The following MYO15A variants were observed in gnomAD, a reference collection of about 807,000 sequenced individuals.
MYO15A encodes myosin XVA.
MYO15A carries 308 observed loss-of-function variants against 394.6 expected under a neutral mutation model. The observed-to-expected ratio is 0.78, with a 90% CI of 0.71 to 0.86. The LOEUF is 0.86. Among genes scored for constraint, MYO15A ranks in the 40% least tolerant of loss-of-function variants. The pLI is 0.00. For missense variants in MYO15A, 4,606 were observed against 4,799.1 expected (o/e 0.96, Z 1.19); for synonymous variants, 1,957 against 2,003.8 (o/e 0.98, Z 0.62).
intron 47 of MYO15A, chr17:18,155,785 G>C (rs1406555398): frequency 2.3e-6 from 1 of 431,040 alleles, no homozygotes; most frequent in African/African-American, 2.0e-5. Context: ...TGAGTACTCA[G>C]ACTCCCTCCC....
intron 1 of MYO15A, among the ~76,000 whole-genome samples, chr17:18,111,066 C>G (rs1448265253): frequency 6.6e-6 from 1 of 152,174 alleles, no homozygotes; most frequent in African/African-American, 2.4e-5. Flanking sequence ...AGGATGGGCA[C>G]AGTGGATCAT....
In MYO15A at chr17:18,142,176, T is replaced by G. The variant is rs770944156; in HGVS notation, c.5747T>G (p.Phe1916Cys). The change falls in exon 24 of 66, where the codon TTC becomes TGC. Residue 1916 changes from phenylalanine to cysteine, a missense_variant. By Grantham distance (205) the Phe-to-Cys change is radical. Around this residue, in one of 2 missense-constraint regions of MYO15A, gnomAD observed 2,776 missense variants for 3,109.3 expected, o/e 0.89. Coordinates refer to ENST00000647165, the MANE Select transcript of MYO15A (RefSeq NM_016239.4). ...ACTCTGCAGCGCTGCCTCCGTGGCT[T>G]CTTCATTAAGCGGCGATTCCGCTCT... ...ALTLQRCLRG[F>C]FIKRRFRSLR... 7.4e-6 allele frequency: 12 copies of G among 1,613,736 alleles called. No individual in the cohort carries two copies. In the East Asian group the frequency reaches 2.2e-4, roughly 30 times the overall value.
At chr17:18,154,244 C>G in intron 44 of MYO15A, 54 bp downstream of exon 44, 1 of 1,596,688 alleles carries the variant, frequency 6.3e-7, no homozygotes, top group South Asian at 1.1e-5. Context: ...GCTGTGTGGA[C>G]GCAAAGATGA....
chr17:18,171,551 G>C (rs2046939900), intron 62 of MYO15A, 87 bp from the exon 63 acceptor site: 1 of 1,591,682 alleles, frequency 6.3e-7, no homozygotes, highest in Admixed American at 1.7e-5. Flanking sequence ...GCATAGATCA[G>C]GACTGCTCTG....
At chr17:18,137,122 T>A (rs567180572) in intron 15 of MYO15A, among the ~76,000 whole-genome samples, 2 of 152,270 alleles carry the variant, frequency 1.3e-5, no homozygotes, top group East Asian at 3.9e-4. Context: ...GTTTTGTGAG[T>A]GCACAGCAAA....
At chr17:18,127,427 G>C (rs937983476) in intron 7 of MYO15A, among the ~76,000 whole-genome samples, 3 of 152,146 alleles carry the variant, frequency 2.0e-5, no homozygotes, top group Admixed American at 1.3e-4. Flanking sequence ...AGACCACATA[G>C]GGAAGGGGAG....
chr17:18,173,191 A>G (rs2046966929), intron 64 of MYO15A, among the ~76,000 whole-genome samples: 1 of 152,138 alleles, frequency 6.6e-6, no homozygotes, highest in African/African-American at 2.4e-5. Flanking sequence ...TGTCCATTCA[A>G]CACTTCCCAT....
At position 18,136,691 on chromosome 17, in the gene MYO15A, G is replaced by A. The variant is rs772198042; in HGVS notation, c.4779+5G>A. 9.4e-6 allele frequency: 15 copies of A among 1,597,220 alleles called. No individual in the cohort carries two copies. Among genetic ancestry groups the A allele is most frequent in the Admixed American group, 8.6e-5 (5 of 58,048 alleles). On this transcript the variant is annotated splice_donor_5th_base_variant and intron_variant, in intron 15 of 65. Transcript: ENST00000647165. ...CTGGACATCTATGGTTTCGAGGTGG[G>A]GCCGTGTAGGAGGCTGAGGGGCGGG...
chr17:18,170,002 T>C (rs854798), intron 62 of MYO15A, among the ~76,000 whole-genome samples: 42,750 of 129,896 alleles, frequency 0.33, 8,882 homozygotes, highest in Non-Finnish European at 0.4. Flanking sequence ...AAAAAACCAT[T>C]AGTGAGAATT....
chr17:18,148,660 A>C lies in MYO15A; in HGVS notation c.6764+92A>C. On this transcript the variant is annotated intron_variant, in intron 32 of 65. Coordinates refer to ENST00000647165, the MANE Select transcript of MYO15A (RefSeq NM_016239.4). This position sits in a 1 kb window ranked among gnomAD's most constrained non-coding sequence, Gnocchi z 4.8. Reference sequence around the variant, plus strand: ...TCCCCCAGAGGGTCCCATAGGGTCCATTCTGTTCATGTTTAGGGTCTGGCT... The same window carrying C: ...TCCCCCAGAGGGTCCCATAGGGTCCCTTCTGTTCATGTTTAGGGTCTGGCT... The C allele has an allele frequency of 6.5e-7, 1 of 1,543,126 alleles. No individual in the cohort carries two copies. Among genetic ancestry groups the C allele is most frequent in the Non-Finnish European group, 8.8e-7 (1 of 1,140,564 alleles).
At chr17:18,166,678 GAGAAATCGAAAC>G (rs2046859917) in intron 61 of MYO15A, among the ~76,000 whole-genome samples, 157 bp downstream of exon 61, 1 of 152,174 alleles carries the variant, frequency 6.6e-6, no homozygotes. Flanking sequence ...GGTCTCTTTG[GAGAAATCGAAAC>G]AGCCCTCACC....
At chr17:18,146,235 G>T in intron 30 of MYO15A, 128 bp downstream of exon 30, 1 of 983,014 alleles carries the variant, frequency 1.0e-6, no homozygotes, top group South Asian at 1.4e-5. Context: ...ATGGAGGCTG[G>T]CCAGGGCTGC....
rs1259362491 is a variant in MYO15A, at chr17:18,119,989, G to C, written c.1189G>C (p.Val397Leu). Residue 397 changes from valine to leucine, a missense_variant, in exon 2 of 66, where the codon GTG becomes CTG. Physicochemically the swap from Val to Leu is conservative, Grantham distance 32 (BLOSUM62 1). Transcript: ENST00000647165. ...GGDEAIYPPEVPYFYPEESAS... is the reference protein window; with the variant it reads ...GGDEAIYPPELPYFYPEESAS... Reference sequence around the variant, plus strand: ...GGACGAGGCCATCTACCCCCCCGAGGTGCCCTATTTTTACCCGGAGGAGTC... The same window carrying C: ...GGACGAGGCCATCTACCCCCCCGAGCTGCCCTATTTTTACCCGGAGGAGTC... 6.2e-7 allele frequency: 1 copy of C among 1,613,730 alleles called. No homozygotes were observed. The highest frequency in any genetic ancestry group is 1.1e-5 in the South Asian group (1 of 91,088).
rs758347829 is a variant in MYO15A, at chr17:18,150,394, A to G, written c.7213-35A>G. 2 of 1,590,100 alleles carry G rather than the reference A, an allele frequency of 1.3e-6. No homozygotes were observed. The highest frequency in any genetic ancestry group is 1.7e-6 in the Non-Finnish European group (2 of 1,158,576). On this transcript the variant is annotated intron_variant, in intron 35 of 65. Coordinates refer to ENST00000647165, the MANE Select transcript of MYO15A (RefSeq NM_016239.4). This position sits in a 1 kb window ranked among gnomAD's most constrained non-coding sequence, Gnocchi z 4.4. ...GCCATGGAACCTTGGGAGTACAATA[A>G]TGAGATGGTCACTTGAGCCACCCAC... is the stretch of plus-strand genomic sequence containing the variant.
In MYO15A at chr17:18,120,057, G is replaced by C; in HGVS notation, c.1257G>C (p.Pro419=). The change falls in exon 2 of 66, where the codon CCG becomes CCC. Residue 419 remains proline (P), a synonymous_variant. Coordinates refer to ENST00000647165, the MANE Select transcript of MYO15A (RefSeq NM_016239.4). ...ACCCCTGGGTACCACCGCCCATCCC[G>C]TCGCCCCACAACCCGTATGCCCACG... The part of the protein sequence containing the change: ...FVYPWVPPPI[P]SPHNPYAHAM... The C allele has an allele frequency of 2.5e-6, 4 of 1,613,364 alleles. No homozygotes were observed. In the South Asian group the frequency reaches 4.4e-5, roughly 18 times the overall value.
chr17:18,162,613 G>T lies in MYO15A; in HGVS notation c.9546G>T (p.Leu3182=). ...TCGCCAAGGCCTGCGAGCAGAACCT[G>T]CAGAAAACCTTGCGCTTCGGAGGTC... ...QGIAKACEQN[L]QKTLRFGGRL... is the part of the protein sequence containing the mutation. Residue 3182 remains leucine (L), a synonymous_variant, in exon 58 of 66, where the codon CTG becomes CTT. Transcript: ENST00000647165. 1.2e-6 allele frequency: 2 copies of T among 1,614,070 alleles called. No homozygotes were observed. Among genetic ancestry groups the T allele is most frequent in the Non-Finnish European group, 1.7e-6 (2 of 1,179,976 alleles).
rs749019041 is a variant in MYO15A, at chr17:18,143,617, G to A, written c.5962G>A (p.Glu1988Lys). 5 of 1,567,574 alleles carry A rather than the reference G, an allele frequency of 3.2e-6. No homozygotes were observed. In the East Asian group the frequency reaches 1.2e-4, roughly 37 times the overall value. ...GGAGGGGGCGCTGCTGTGGGAGCAGGAGGTGGGTGTGGGTCTGGGTGGCAG... is the reference window on the plus strand; with the variant it reads ...GGAGGGGGCGCTGCTGTGGGAGCAGAAGGTGGGTGTGGGTCTGGGTGGCAG... The part of the protein sequence containing the change: ...QVEGALLWEQ[E>K]ELSKREVVAV... Residue 1988 changes from glutamate (E) to lysine (K), a missense_variant and splice_region_variant, in exon 26 of 66, where the codon GAG becomes AAG. By Grantham distance (56) the Glu-to-Lys change is moderately conservative (BLOSUM62 1). Around this residue, in one of 2 missense-constraint regions of MYO15A, gnomAD observed 2,776 missense variants for 3,109.3 expected, o/e 0.89. Transcript: ENST00000647165.
In MYO15A at chr17:18,138,112, CAGG is replaced by C. The variant is rs1347537266; in HGVS notation, c.4879_4881del (p.Glu1627del). 2 of 1,610,370 alleles carry C rather than the reference CAGG, an allele frequency of 1.2e-6. No homozygotes were observed. The highest frequency in any genetic ancestry group is 1.7e-6 in the Non-Finnish European group (2 of 1,180,012). ...TTGAGCTCCTGCTGCCCACTGCCTG[CAGG>C]AGGAGTACATCCGTGAGCAGATAGA... On this transcript the variant is annotated splice_acceptor_variant and coding_sequence_variant, in exon 17 of 66. Transcript: ENST00000647165. LOFTEE classifies it high-confidence loss of function.
Position 18,125,190 on chromosome 17 carries a change from C to T in MYO15A, c.3715C>T (p.Leu1239=). The T allele has an allele frequency of 6.2e-7, 1 of 1,614,140 alleles. No individual in the cohort carries two copies. Among genetic ancestry groups the T allele is most frequent in the Non-Finnish European group, 8.5e-7 (1 of 1,180,012 alleles). The change falls in exon 4 of 66, where the codon CTG becomes TTG. Residue 1239 remains leucine, a synonymous_variant. Coordinates refer to ENST00000647165, the MANE Select transcript of MYO15A (RefSeq NM_016239.4). The stretch of plus-strand genomic sequence containing the variant: ...TAGAGACCTCCAGGAAACCACTGTG[C>T]TGTCCAACCTCAAGATTAGATTTGA... ...QLEDLQETTV[L]SNLKIRFERN... is the part of the protein sequence containing the mutation.
Sources: gnomAD v4.1 joint callset for allele counts (sites outside exome capture counted in the v4.1 genomes callset) on GRCh38, gnomAD v4.1.1 for gene constraint, gnomAD v4.1.1 regional missense constraint, Gnocchi (gnomAD v3.1) non-coding constraint, MANE v1.5 for transcripts, NCBI Gene and HGNC (gene_info 2026-07-23, HGNC 2026-07-21) for gene names.